STAC: variants seen among roughly 807,000 people sequenced by gnomAD.
STAC encodes the protein SH3 and cysteine-rich domain-containing protein.
Under a neutral mutation model 48.8 loss-of-function variants are expected in STAC, and 43 were observed. That is an observed-to-expected ratio of 0.88 (90% CI 0.69 to 1.14). STAC has a LOEUF of 1.14. STAC is among the 50% of genes most tolerant of loss of function. STAC has a pLI of 0.00. For missense variants in STAC, 497 were observed against 504.0 expected (o/e 0.99, Z 0.13); for synonymous variants, 193 against 179.5 (o/e 1.07, Z -0.60).
intron 2 of STAC, among the ~76,000 whole-genome samples, chr3:36,446,520 A>T (rs908506962): frequency 6.6e-6 from 1 of 152,190 alleles, no homozygotes; most frequent in Non-Finnish European, 1.5e-5. Flanking sequence ...GTATCACCTA[A>T]ATGTATTCCA....
At chr3:36,514,860 C>A (rs1698631580) in intron 8 of STAC, among the ~76,000 whole-genome samples, 1 of 151,936 alleles carries the variant, frequency 6.6e-6, no homozygotes, top group African/African-American at 2.4e-5. Context: ...CATGGTGACA[C>A]CCCGTCTCTA....
chr3:36,413,338 C>T (rs1028092093), intron 1 of STAC, among the ~76,000 whole-genome samples: 3 of 152,156 alleles, frequency 2.0e-5, no homozygotes. Context: ...TAAGGACTTA[C>T]TTTATGAATC....
intron 1 of STAC, among the ~76,000 whole-genome samples, chr3:36,408,078 T>C (rs1700120136): frequency 6.6e-6 from 1 of 152,236 alleles, no homozygotes; most frequent in African/African-American, 2.4e-5. Context: ...AGAAGCTTAC[T>C]TCTTCAAGGA....
At chr3:36,408,364 A>T (rs1307784882) in intron 1 of STAC, among the ~76,000 whole-genome samples, 3 of 152,146 alleles carry the variant, frequency 2.0e-5, no homozygotes, top group South Asian at 4.2e-4. Context: ...AGTTATTGTC[A>T]TTCTCCACCA....
chr3:36,541,339 G>C (rs1699319603), intron 10 of STAC, among the ~76,000 whole-genome samples: 1 of 152,176 alleles, frequency 6.6e-6, no homozygotes, highest in South Asian at 2.1e-4. Context: ...GATAGGGATG[G>C]GCAACAGAAT....
At chr3:36,527,761 A>G (rs935465559) in intron 8 of STAC, among the ~76,000 whole-genome samples, 1 of 152,202 alleles carries the variant, frequency 6.6e-6, no homozygotes, top group African/African-American at 2.4e-5. Context: ...GTTGAATAGA[A>G]AGAATTAAAC....
At chr3:36,523,704 C>A (rs972373094) in intron 8 of STAC, among the ~76,000 whole-genome samples, 2 of 152,202 alleles carry the variant, frequency 1.3e-5, no homozygotes, top group African/African-American at 2.4e-5. Context: ...GCCACAGAAG[C>A]ATGAAACAAC....
chr3:36,403,469 A>C (rs1263142259), intron 1 of STAC, among the ~76,000 whole-genome samples: 2 of 151,932 alleles, frequency 1.3e-5, no homozygotes, highest in Non-Finnish European at 1.5e-5. Flanking sequence ...ATTTTAGTGG[A>C]AAATTTTTTA....
intron 8 of STAC, among the ~76,000 whole-genome samples, chr3:36,507,973 G>C (rs995679252): frequency 7.9e-5 from 12 of 152,006 alleles, no homozygotes; most frequent in African/African-American, 2.9e-4. Context: ...TTTCAAATTT[G>C]TTTGCTCTTG....
chr3:36,492,469 T>C (rs1332950446), intron 5 of STAC, among the ~76,000 whole-genome samples: 3 of 152,106 alleles, frequency 2.0e-5, no homozygotes, highest in Non-Finnish European at 4.4e-5. Flanking sequence ...CTCTGAAAAA[T>C]TGGTCTATCA....
At chr3:36,464,679 T>C (rs58689959) in intron 2 of STAC, among the ~76,000 whole-genome samples, 1 of 152,144 alleles carries the variant, frequency 6.6e-6, no homozygotes, top group African/African-American at 2.4e-5. Context: ...ATTAGTGAGA[T>C]CATATGATGT....
At chr3:36,394,452 G>GGACA (rs1184405771) in intron 1 of STAC, among the ~76,000 whole-genome samples, 1 of 152,126 alleles carries the variant, frequency 6.6e-6, no homozygotes, top group Non-Finnish European at 1.5e-5. Flanking sequence ...AGGAGGATCT[G>GGACA]GACAGTACAT....
intron 4 of STAC, 73 bp downstream of exon 4, chr3:36,485,131 A>G: frequency 3.1e-6 from 4 of 1,297,922 alleles, no homozygotes; most frequent in Non-Finnish European, 4.3e-6. Context: ...CTGTCCTCCC[A>G]TGGCTGCAAA....
chr3:36,380,775 C>A lies in STAC; in HGVS notation c.111+21C>A, dbSNP rs763759491. 17 of 1,571,550 alleles carry A rather than the reference C, an allele frequency of 1.1e-5. No individual in the cohort carries two copies. In the Middle Eastern group the frequency reaches 5.0e-4, roughly 46 times the overall value. ...CCAAGGTACCGAGCACGCTTGCCCC[C>A]AAGAGAACACAAACTCACTCTCCTC... On this transcript the variant is annotated intron_variant, in intron 1 of 10. Transcript: ENST00000273183.
At chr3:36,403,697 A>C (rs951165043) in intron 1 of STAC, among the ~76,000 whole-genome samples, 3 of 152,154 alleles carry the variant, frequency 2.0e-5, no homozygotes, top group Non-Finnish European at 4.4e-5. Context: ...AAAATAGATA[A>C]AATCCTTAAT....
intron 1 of STAC, among the ~76,000 whole-genome samples, chr3:36,389,262 T>C (rs1377598225): frequency 6.6e-6 from 1 of 152,146 alleles, no homozygotes; most frequent in Non-Finnish European, 1.5e-5. Context: ...TCTGTCACAG[T>C]TGTAGAAGCT....
intron 10 of STAC, among the ~76,000 whole-genome samples, chr3:36,533,343 C>G (rs1363864477): frequency 1.3e-5 from 2 of 152,162 alleles, no homozygotes; most frequent in East Asian, 3.8e-4. Flanking sequence ...CATGCCAACA[C>G]TTCAACCTTC....
intron 10 of STAC, among the ~76,000 whole-genome samples, chr3:36,538,925 G>T (rs1375390309): frequency 6.6e-6 from 1 of 152,054 alleles, no homozygotes; most frequent in Non-Finnish European, 1.5e-5. Context: ...CACTCTCAAT[G>T]CCTCTTTCTC....
chr3:36,406,266 C>T (rs921084912), intron 1 of STAC, among the ~76,000 whole-genome samples: 10 of 152,142 alleles, frequency 6.6e-5, no homozygotes, highest in Admixed American at 2.0e-4. Flanking sequence ...TGGGAACAGG[C>T]CCTGGAAGAC....
Sources: allele counts gnomAD v4.1 joint callset (sites outside exome capture counted in the v4.1 genomes callset), GRCh38; gene constraint gnomAD v4.1.1; transcripts MANE v1.5; gene names NCBI Gene and HGNC (gene_info 2026-07-23, HGNC 2026-07-21).